The following STK39 variants were observed in gnomAD, a reference collection of about 807,000 sequenced individuals.
STK39 encodes STE20/SPS1-related proline-alanine-rich protein kinase.
STK39 carries 20 observed loss-of-function variants against 77.8 expected under a neutral mutation model. The observed-to-expected ratio is 0.26, with a 90% CI of 0.18 to 0.37. The LOEUF (loss-of-function observed/expected upper bound fraction) is 0.37, where lower values mean the gene tolerates loss of function less well. Among genes scored for constraint, STK39 ranks in the 10% least tolerant of loss-of-function variants. The pLI is 1.00. For missense variants in STK39, 479 were observed against 656.5 expected, an observed-to-expected ratio of 0.73 and a Z score of 2.95; for synonymous variants, 246 against 234.1, an observed-to-expected ratio of 1.05 and a Z score of -0.47.
At chr2:168,034,923 T>A (rs1466985816) in intron 14 of STK39, among the ~76,000 whole-genome samples, 1 of 152,184 alleles carries the variant, frequency 6.6e-6, no homozygotes, top group South Asian at 2.1e-4. Context: ...ATCTCAGCAA[T>A]AGTGACCTCC....
chr2:168,074,263 A>T (rs868117861), intron 12 of STK39, among the ~76,000 whole-genome samples: 4 of 152,236 alleles, frequency 2.6e-5, no homozygotes, highest in Admixed American at 6.5e-5. Flanking sequence ...TTGTTTTCTT[A>T]ATGAGAATTT....
chr2:168,166,332 T>A (rs1299978340), intron 3 of STK39, among the ~76,000 whole-genome samples: 1 of 152,226 alleles, frequency 6.6e-6, no homozygotes, highest in South Asian at 2.1e-4. Flanking sequence ...CCCTCTCTGA[T>A]AGTGATGTTA....
At chr2:168,145,135 A>C (rs1438828875) in intron 5 of STK39, among the ~76,000 whole-genome samples, 2 of 152,206 alleles carry the variant, frequency 1.3e-5, no homozygotes, top group Non-Finnish European at 2.9e-5. Context: ...AGATGAGGTG[A>C]AGACTTGGAT....
chr2:168,168,959 A>C (rs966081397), intron 2 of STK39, among the ~76,000 whole-genome samples: 1 of 152,176 alleles, frequency 6.6e-6, no homozygotes, highest in South Asian at 2.1e-4. Flanking sequence ...CTCCAGCCTG[A>C]GTGACAAAGC....
intron 16 of STK39, among the ~76,000 whole-genome samples, chr2:167,977,667 G>A (rs1236495354): frequency 6.6e-6 from 1 of 152,064 alleles, no homozygotes; most frequent in Non-Finnish European, 1.5e-5. Flanking sequence ...GATTCTATAG[G>A]TGTCTTAACC....
At chr2:168,066,008 T>G (rs1685783615) in intron 12 of STK39, among the ~76,000 whole-genome samples, 1 of 151,498 alleles carries the variant, frequency 6.6e-6, no homozygotes, top group Admixed American at 6.6e-5. Context: ...GAGCAAAACT[T>G]GAAAGACAAA....
At chr2:168,052,692 C>A (rs568617346) in intron 14 of STK39, among the ~76,000 whole-genome samples, 4 of 152,346 alleles carry the variant, frequency 2.6e-5, no homozygotes, top group African/African-American at 9.6e-5. Context: ...GGTGATCTCT[C>A]ATCTCCTCCA....
At chr2:168,224,082 T>C (rs1690246549) in intron 1 of STK39, among the ~76,000 whole-genome samples, 1 of 152,164 alleles carries the variant, frequency 6.6e-6, no homozygotes, top group Non-Finnish European at 1.5e-5. Flanking sequence ...AAAGATTATA[T>C]ATAGTCATAT....
In STK39 at chr2:168,108,982, GTACTGTTACCACCC is replaced by G. The variant is rs1687052338; in HGVS notation, c.1089+20545_1089+20558del. Among the ~76,000 whole-genome samples the G allele has an allele frequency of 4.6e-5, 7 of 152,276 alleles. No individual in the cohort carries two copies. The South Asian group carries it at 1.5e-3, about 32-fold the overall frequency. ...ATAGTCGTAACAACTCAATGTGTAG[GTACTGTTACCACCC>G]TACTTTTCAGTTGAGGAAACTGAGC... On this transcript the variant is annotated intron_variant, in intron 10 of 17. Transcript: ENST00000355999.
At chr2:167,991,540 G>C (rs1180376101) in intron 16 of STK39, among the ~76,000 whole-genome samples, 1 of 152,190 alleles carries the variant, frequency 6.6e-6, no homozygotes, top group Non-Finnish European at 1.5e-5. Flanking sequence ...AGAACACCCT[G>C]TGATGTTACT....
chr2:168,160,064 C>T (rs1025246869), intron 5 of STK39, among the ~76,000 whole-genome samples: 3 of 152,132 alleles, frequency 2.0e-5, no homozygotes, highest in African/African-American at 7.2e-5. Context: ...AAGAAAAGGA[C>T]AATGTGTTCC....
chr2:168,000,855 T>G (rs1416926503), intron 16 of STK39, among the ~76,000 whole-genome samples: 1 of 152,188 alleles, frequency 6.6e-6, no homozygotes, highest in Non-Finnish European at 1.5e-5. Flanking sequence ...AAATTAGCCC[T>G]CCAAGGGGTG....
intron 14 of STK39, among the ~76,000 whole-genome samples, chr2:168,038,819 G>A (rs77224124): frequency 0.02 from 3,055 of 152,158 alleles, 108 homozygotes; most frequent in African/African-American, 0.07. Flanking sequence ...ACTAATCAGA[G>A]AAATGAAAGT....
chr2:167,973,859 T>C (rs1251260627), intron 16 of STK39, among the ~76,000 whole-genome samples: 6 of 152,174 alleles, frequency 3.9e-5, no homozygotes, highest in Admixed American at 3.9e-4. Flanking sequence ...AATTTAAAGG[T>C]GTATTTTCCG....
chr2:168,149,593 C>T (rs1688227822), intron 5 of STK39, among the ~76,000 whole-genome samples: 1 of 152,216 alleles, frequency 6.6e-6, no homozygotes, highest in African/African-American at 2.4e-5. Flanking sequence ...CCTGCCTTTC[C>T]TCAGTCTAGC....
intron 16 of STK39, among the ~76,000 whole-genome samples, chr2:167,970,149 C>T (rs1363208485): frequency 3.9e-5 from 6 of 152,174 alleles, no homozygotes; most frequent in African/African-American, 1.4e-4. Context: ...CTATTAACAC[C>T]CCCACCATCC....
chr2:168,013,526 A>G (rs72885793), intron 15 of STK39, among the ~76,000 whole-genome samples: 12 of 152,348 alleles, frequency 7.9e-5, no homozygotes, highest in Middle Eastern at 3.4e-3. Context: ...AAGAGAGCTG[A>G]CTTGGTCCCC....
chr2:168,077,646 T>C (rs1326717139), intron 10 of STK39, among the ~76,000 whole-genome samples: 1 of 152,144 alleles, frequency 6.6e-6, no homozygotes, highest in Non-Finnish European at 1.5e-5. Context: ...TACTAACTTG[T>C]CTTTGAGAAT....
rs1048751473 is a variant in STK39 at position 168,011,048 on chromosome 2, A to G, written c.1498+1586T>C. On this transcript the variant is annotated intron_variant, in intron 16 of 17. Transcript: ENST00000355999. ...AGTGGTGGCTCACGCCTGTAATCCC[A>G]GCACTCTGGGAGGCCAAGGCAGGCG... is the stretch of plus-strand genomic sequence containing the variant. Among the ~76,000 whole-genome samples the G allele has an allele frequency of 6.6e-5, 10 of 152,242 alleles. No homozygotes were observed. In the East Asian group the frequency reaches 7.7e-4, roughly 12 times the overall value.
Sources: allele counts gnomAD v4.1 joint callset (sites outside exome capture counted in the v4.1 genomes callset), GRCh38; gene constraint gnomAD v4.1.1; transcripts MANE v1.5; gene names NCBI Gene and HGNC (gene_info 2026-07-23, HGNC 2026-07-21).